Variants in MAP2K5 observed in about 807,000 individuals in gnomAD.
MAP2K5 encodes dual specificity mitogen-activated protein kinase kinase 5.
In MAP2K5, 49 loss-of-function variants were observed where a neutral mutation model predicts 83.1. The ratio of observed to expected loss-of-function variants is 0.59; its 90% CI spans 0.47 to 0.75. The LOEUF (loss-of-function observed/expected upper bound fraction) is 0.75, where lower values mean the gene tolerates loss of function less well. Ranked by LOEUF, MAP2K5 falls within the 30% of genes least tolerant of loss-of-function variation. The pLI is 0.00. For missense variants in MAP2K5, 457 were observed against 557.5 expected (o/e 0.82, Z 1.82); for synonymous variants, 202 against 191.8 (o/e 1.05, Z -0.44).
chr15:67,581,236 A>G (rs966921982), intron 4 of MAP2K5, among the ~76,000 whole-genome samples: 2 of 152,168 alleles, frequency 1.3e-5, no homozygotes, highest in African/African-American at 4.8e-5. Context: ...GTGTTAGGAG[A>G]GAAATTTTGG....
chr15:67,791,951 G>A (rs767833405), intron 21 of MAP2K5, among the ~76,000 whole-genome samples: 27 of 152,184 alleles, frequency 1.8e-4, no homozygotes, highest in Non-Finnish European at 3.4e-4. Context: ...ACTTAAAATA[G>A]CACAAAGCAT....
In MAP2K5 at chr15:67,802,389, C is replaced by A. The variant is rs867444745; in HGVS notation, c.1243-4257C>A. Among the ~76,000 whole-genome samples, 2 of 152,196 alleles carry A rather than the reference C, an allele frequency of 1.3e-5. No homozygotes were observed. Among genetic ancestry groups the A allele is most frequent in the South Asian group, 2.1e-4 (1 of 4,822 alleles). Reference sequence around the variant, plus strand: ...GTGAGGGTGTCTGCCCAGGTGATGCCGGCACCTCCCGACTCTCCCCTGTGT... The same window carrying A: ...GTGAGGGTGTCTGCCCAGGTGATGCAGGCACCTCCCGACTCTCCCCTGTGT... On this transcript the variant is annotated intron_variant, in intron 21 of 21. Coordinates refer to ENST00000178640, the MANE Select transcript of MAP2K5 (RefSeq NM_145160.3). This position sits in a 1 kb window ranked among gnomAD's most constrained non-coding sequence, Gnocchi z 5.0.
chr15:67,603,737 A>G (rs548581274), intron 8 of MAP2K5, among the ~76,000 whole-genome samples: 5 of 152,320 alleles, frequency 3.3e-5, no homozygotes, highest in Admixed American at 3.3e-4. Context: ...AGTCTCTATA[A>G]AACTAAGTGT....
intron 8 of MAP2K5, among the ~76,000 whole-genome samples, chr15:67,626,401 C>T (rs747310931): frequency 6.6e-6 from 1 of 152,026 alleles, no homozygotes; most frequent in Non-Finnish European, 1.5e-5. Flanking sequence ...GTGGTGGGCT[C>T]CTGTAATCCC....
chr15:67,681,403 G>C (rs557812728), intron 13 of MAP2K5, among the ~76,000 whole-genome samples: 1 of 152,324 alleles, frequency 6.6e-6, no homozygotes, highest in South Asian at 2.1e-4. Flanking sequence ...GATTCGTCCA[G>C]TCTCACAGTC....
intron 8 of MAP2K5, among the ~76,000 whole-genome samples, chr15:67,602,451 T>C (rs183104616): frequency 1.0e-3 from 152 of 152,340 alleles, no homozygotes; most frequent in African/African-American, 3.4e-3. Context: ...AAAATGTTTA[T>C]TTAGACTCCT....
At chr15:67,766,993 C>G (rs1013202505) in intron 19 of MAP2K5, among the ~76,000 whole-genome samples, 3 of 151,900 alleles carry the variant, frequency 2.0e-5, no homozygotes, top group Non-Finnish European at 4.4e-5. Flanking sequence ...TAGAATTTCC[C>G]CCATATCTTT....
chr15:67,743,745 A>G (rs145655393), intron 17 of MAP2K5, among the ~76,000 whole-genome samples: 28 of 152,358 alleles, frequency 1.8e-4, no homozygotes, highest in African/African-American at 6.5e-4. Context: ...AGTGCCAGAT[A>G]AAATTAGATT....
rs1596757818 is a variant in MAP2K5 at position 67,668,173 on chromosome 15, G to A, written c.847+3528G>A. 6.6e-6 allele frequency among the ~76,000 whole-genome samples: 1 copy of A among 152,096 alleles called. No individual in the cohort carries two copies. Among genetic ancestry groups the A allele is most frequent in the Admixed American group, 6.6e-5 (1 of 15,254 alleles). ...GCAGGGACTTTATAAACTATTGAAT[G>A]CTAAGAATGTGGCATGTTTTTATTA... On this transcript the variant is annotated intron_variant, in intron 13 of 21. Coordinates refer to ENST00000178640, the MANE Select transcript of MAP2K5 (RefSeq NM_145160.3). The surrounding 1 kb of genome is among the most constrained non-coding windows in gnomAD (Gnocchi z 4.0).
At chr15:67,574,233 G>T (rs2085007808) in intron 3 of MAP2K5, among the ~76,000 whole-genome samples, 2 of 152,268 alleles carry the variant, frequency 1.3e-5, no homozygotes, top group East Asian at 3.9e-4. Flanking sequence ...CACTGGACTG[G>T]TGAGAAGTTA....
intron 6 of MAP2K5, among the ~76,000 whole-genome samples, chr15:67,589,490 T>A (rs1425952507): frequency 6.6e-6 from 1 of 152,202 alleles, no homozygotes; most frequent in Non-Finnish European, 1.5e-5. Context: ...GCTTTCTCCT[T>A]CTGTAAATTA....
rs150905488 is a variant in MAP2K5, at chr15:67,763,470, A to G, written c.1135-6132A>G. ...GTGACTGCTTTTTTCTCCCCTGTCTACATTCTGTTACAGCAGATATGTACA... is the reference window on the plus strand; with the variant it reads ...GTGACTGCTTTTTTCTCCCCTGTCTGCATTCTGTTACAGCAGATATGTACA... On this transcript the variant is annotated intron_variant, in intron 19 of 21. Transcript: ENST00000178640. Among the ~76,000 whole-genome samples the G allele has an allele frequency of 1.3e-4, 20 of 152,202 alleles. 1 individual carries two copies. Among genetic ancestry groups the G allele is most frequent in the African/African-American group, 4.8e-4 (20 of 41,534 alleles).
intron 11 of MAP2K5, among the ~76,000 whole-genome samples, chr15:67,650,307 T>A (rs553623281): frequency 2.0e-5 from 3 of 152,294 alleles, no homozygotes; most frequent in African/African-American, 7.2e-5. Context: ...TCTGAATGTC[T>A]TTTATTTCCT....
chr15:67,772,172 C>G (rs565659158), intron 20 of MAP2K5, among the ~76,000 whole-genome samples: 8 of 152,336 alleles, frequency 5.3e-5, no homozygotes, highest in Non-Finnish European at 1.0e-4. Flanking sequence ...TATAGCAACA[C>G]ACTTCTAATT....
At position 67,747,587 on chromosome 15, in the gene MAP2K5, C is replaced by T. The variant is rs1177858069; in HGVS notation, c.1075-644C>T. On this transcript the variant is annotated intron_variant, in intron 17 of 21. Coordinates refer to ENST00000178640, the MANE Select transcript of MAP2K5 (RefSeq NM_145160.3). The surrounding 1 kb of genome is among the most constrained non-coding windows in gnomAD (Gnocchi z 4.1). ...TCAGAATGTTGATCAGAAATGCGCT[C>T]TTACTGGACTCTGCATTTATTCCCT... 6.6e-6 allele frequency among the ~76,000 whole-genome samples: 1 copy of T among 152,156 alleles called. No homozygotes were observed. Among genetic ancestry groups the T allele is most frequent in the Non-Finnish European group, 1.5e-5 (1 of 68,036 alleles).
In MAP2K5 at chr15:67,736,524, A is replaced by G. The variant is rs554296178; in HGVS notation, c.1074+8579A>G. 1.3e-5 allele frequency among the ~76,000 whole-genome samples: 2 copies of G among 152,344 alleles called. No individual in the cohort carries two copies. Among genetic ancestry groups the G allele is most frequent in the African/African-American group, 4.8e-5 (2 of 41,578 alleles). On this transcript the variant is annotated intron_variant, in intron 17 of 21. Coordinates refer to ENST00000178640, the MANE Select transcript of MAP2K5 (RefSeq NM_145160.3). The surrounding 1 kb of genome is among the most constrained non-coding windows in gnomAD (Gnocchi z 4.3). Reference sequence around the variant, plus strand: ...ACCTATGTAACTCTGAAAATATATGACCATGTCTCACACCAGGTAGGACTA... The same window carrying G: ...ACCTATGTAACTCTGAAAATATATGGCCATGTCTCACACCAGGTAGGACTA...
At chr15:67,744,196 A>AT (rs2089555786) in intron 17 of MAP2K5, among the ~76,000 whole-genome samples, 1 of 152,226 alleles carries the variant, frequency 6.6e-6, no homozygotes, top group Non-Finnish European at 1.5e-5. Flanking sequence ...AGCCAGGGTT[A>AT]TAGCTTAATG....
chr15:67,805,016 C>T (rs2090775221), intron 21 of MAP2K5, among the ~76,000 whole-genome samples: 1 of 152,196 alleles, frequency 6.6e-6, no homozygotes. Context: ...CCCCTGTGCC[C>T]TTAGGGGTCC....
chr15:67,596,407 CTG>C (rs1567298975), intron 7 of MAP2K5, among the ~76,000 whole-genome samples: 1 of 151,884 alleles, frequency 6.6e-6, no homozygotes. Context: ...GAGCAAGACT[CTG>C]TCTCAAAAAA....
Sources: gnomAD v4.1 joint callset for allele counts (sites outside exome capture counted in the v4.1 genomes callset) on GRCh38, gnomAD v4.1.1 for gene constraint, Gnocchi (gnomAD v3.1) non-coding constraint, MANE v1.5 for transcripts, NCBI Gene and HGNC (gene_info 2026-07-23, HGNC 2026-07-21) for gene names.